The following ELOF1 variants were observed in gnomAD, a reference collection of about 807,000 sequenced individuals.
ELOF1 encodes elongation factor 1.
In ELOF1, 4 loss-of-function variants were observed where a neutral mutation model predicts 7.1. The ratio of observed to expected loss-of-function variants is 0.56; its 90% CI spans 0.28 to 1.29. ELOF1 has a LOEUF of 1.29. Ranked by LOEUF, ELOF1 falls within the 50% of genes most tolerant of loss-of-function variation. The pLI is 0.10. For missense variants in ELOF1, 59 were observed against 86.3 expected (o/e 0.68, Z 1.25); for synonymous variants, 31 against 31.9 (o/e 0.97, Z 0.09).
At chr19:11,558,085 A>T (rs917298973) in intron 1 of ELOF1, among the ~76,000 whole-genome samples, 1 of 152,028 alleles carries the variant, frequency 6.6e-6, no homozygotes, top group Non-Finnish European at 1.5e-5. Context: ...CATGTCCAAA[A>T]CCAAGCCCCT....
chr19:11,554,775 C>CT (rs1402578522), intron 1 of ELOF1: 33 of 187,758 alleles, frequency 1.8e-4, no homozygotes, highest in African/African-American at 6.9e-4. Flanking sequence ...GGCCTCATCT[C>CT]TAAAAAAAAA....
At chr19:11,558,673 G>A (rs972020806) in intron 1 of ELOF1, among the ~76,000 whole-genome samples, 4 of 150,414 alleles carry the variant, frequency 2.7e-5, no homozygotes, top group African/African-American at 9.8e-5. Flanking sequence ...GCTGCAATGA[G>A]CTATGATCGC....
chr19:11,558,372 T>C (rs866510533), intron 1 of ELOF1, among the ~76,000 whole-genome samples: 17 of 151,898 alleles, frequency 1.1e-4, no homozygotes, highest in South Asian at 2.1e-4. Context: ...CGCCTCGGCC[T>C]CCCAAAGTGC....
intron 3 of ELOF1, chr19:11,553,155 T>C (rs1205085212): frequency 1.7e-5 from 7 of 400,996 alleles, no homozygotes; most frequent in Non-Finnish European, 3.1e-5. Flanking sequence ...CTGGTTACCA[T>C]GGGGAGGGGG....
In ELOF1 at chr19:11,554,237, C is replaced by T. The variant is rs1163085056; in HGVS notation, c.111G>A (p.Val37=). The change falls in exon 2 of 4, where the codon GTG becomes GTA. Residue 37 remains valine (V), a synonymous_variant. Coordinates refer to ENST00000586683, the Ensembl canonical transcript of ELOF1. ...TTGCCCTGTTCCCCACTCACATTTTCACATCACAGGATTTCTCGTGGTTGC... is the reference window on the plus strand; with the variant it reads ...TTGCCCTGTTCCCCACTCACATTTTTACATCACAGGATTTCTCGTGGTTGC... The T allele has an allele frequency of 4.3e-6, 7 of 1,613,024 alleles. No individual in the cohort carries two copies. The African/African-American group carries it at 5.3e-5, about 12-fold the overall frequency.
intron 3 of ELOF1, 27 bp from the exon 4 acceptor site, chr19:11,553,837 A>G (rs1021536165): frequency 1.2e-6 from 2 of 1,614,152 alleles, no homozygotes; most frequent in East Asian, 2.2e-5. Flanking sequence ...AAGGGCGATC[A>G]TTGGCATTGG....
At chr19:11,553,448 T>C in intron 3 of ELOF1, 1 of 529,216 alleles carries the variant, frequency 1.9e-6, no homozygotes, top group Non-Finnish European at 3.4e-6. Flanking sequence ...CCAAGTGAGA[T>C]CAGTTCAGGC....
chr19:11,555,621 ACT>A (rs1284494421), intron 1 of ELOF1: 1 of 152,606 alleles, frequency 6.6e-6, no homozygotes, highest in Non-Finnish European at 1.5e-5. Flanking sequence ...GTAGAGGAAC[ACT>A]GTGTGAAGGC....
chr19:11,553,280 G>A (rs963761464), intron 3 of ELOF1: 3 of 399,426 alleles, frequency 7.5e-6, no homozygotes, highest in East Asian at 3.6e-5. Flanking sequence ...AGATGGGCAC[G>A]GTGCTGGTGA....
chr19:11,555,185 A>G, intron 1 of ELOF1: 2 of 243,482 alleles, frequency 8.2e-6, no homozygotes, highest in South Asian at 3.3e-5. Context: ...TGAACCCAAG[A>G]GGCGGAGACT....
chr19:11,553,594 CACACA>C, intron 3 of ELOF1: 1 of 430,498 alleles, frequency 2.3e-6, no homozygotes, highest in Non-Finnish European at 3.6e-6. Flanking sequence ...CACACACACA[CACACA>C]CACACACACA....
intron 1 of ELOF1, among the ~76,000 whole-genome samples, chr19:11,557,594 T>TAA (rs56991908): frequency 0.21 from 16,220 of 77,844 alleles, 2,751 homozygotes; most frequent in African/African-American, 0.51. Flanking sequence ...AAACTTCATC[T>TAA]AAAAAAAAAA....
At chr19:11,554,012 C>T (rs766886574) in exon 3 of ELOF1, 16 of 1,614,052 alleles carry the variant, frequency 9.9e-6, no homozygotes, top group Non-Finnish European at 1.3e-5. Flanking sequence ...CAAGGATACA[C>T]GTTATGGGCG....
chr19:11,556,742 G>A (rs1486707586), intron 1 of ELOF1, among the ~76,000 whole-genome samples: 1 of 152,182 alleles, frequency 6.6e-6, no homozygotes, highest in East Asian at 1.9e-4. Context: ...CTGTTGCCCA[G>A]GCTGGAGTGC....
rs559851038 is a variant in ELOF1, at chr19:11,554,481, C to T, written c.-18-116G>A. 4 of 1,443,036 alleles carry T rather than the reference C, an allele frequency of 2.8e-6. No individual in the cohort carries two copies. In the African/African-American group the frequency reaches 5.7e-5, roughly 21 times the overall value. The allele number at this position is 1,443,036 out of a possible 1,614,324, so 89.4% of individuals were successfully genotyped here. A position where few individuals can be genotyped will look rare whatever the true frequency, so the allele number is the denominator to read the frequency against. ...GACTTGCACCGTGGTCCCGGGGCCT[C>T]TGCCCTTGAGGGACGAGGCCCTCAG... On this transcript the variant is annotated intron_variant, in intron 1 of 3. Coordinates refer to ENST00000586683, the Ensembl canonical transcript of ELOF1.
intron 3 of ELOF1, chr19:11,553,293 A>T (rs1972757336): frequency 2.4e-6 from 1 of 411,548 alleles, no homozygotes; most frequent in African/African-American, 2.0e-5. Flanking sequence ...GCTGGTGAGG[A>T]GGCTGGAGAG....
At chr19:11,555,156 C>A (rs1193361395) in intron 1 of ELOF1, 2 of 240,920 alleles carry the variant, frequency 8.3e-6, no homozygotes, top group Admixed American at 5.4e-5. Flanking sequence ...ACTCAGGAGG[C>A]TGAGGCAGGA....
intron 1 of ELOF1, among the ~76,000 whole-genome samples, chr19:11,558,397 T>C (rs1255302979): frequency 1.3e-5 from 2 of 151,712 alleles, no homozygotes; most frequent in Non-Finnish European, 2.9e-5. Flanking sequence ...GTTACAAGCA[T>C]GAGCCACCGT....
At chr19:11,553,253 A>AC in intron 3 of ELOF1, 1 of 397,384 alleles carries the variant, frequency 2.5e-6, no homozygotes, top group Non-Finnish European at 4.4e-6. Context: ...GGAGAAGGAG[A>AC]GCGGGAAGTC....
Sources: allele counts gnomAD v4.1 joint callset (sites outside exome capture counted in the v4.1 genomes callset), GRCh38; gene constraint gnomAD v4.1.1; transcripts MANE v1.5; gene names NCBI Gene and HGNC (gene_info 2026-07-23, HGNC 2026-07-21).